PDZK1IP1: variants seen among roughly 807,000 people sequenced by gnomAD.
The protein encoded by PDZK1IP1 is PDZK1 interacting protein 1.
PDZK1IP1 carries 9 observed loss-of-function variants against 14.7 expected under a neutral mutation model. The observed-to-expected ratio is 0.61, with a 90% CI of 0.37 to 1.07. The LOEUF (loss-of-function observed/expected upper bound fraction) is 1.07. Ranked by LOEUF, PDZK1IP1 falls within the 50% of genes least tolerant of loss-of-function variation. PDZK1IP1 has a pLI of 0.01. For synonymous variants in PDZK1IP1, 70 were observed against 61.2 expected (o/e 1.14, Z -0.67); for missense variants, 152 against 148.7 (o/e 1.02, Z -0.11).
chr1:47,184,166 G>A, intron 3 of PDZK1IP1, 123 bp from the exon 4 acceptor site: 1 of 776,272 alleles, frequency 1.3e-6, no homozygotes, highest in Non-Finnish European at 2.2e-6. Flanking sequence ...TCCCAGAAGG[G>A]GATTGTCCTG....
chr1:47,185,104 A>T lies in PDZK1IP1; in HGVS notation c.177-7T>A, dbSNP rs1645311082. On this transcript the variant is annotated splice_polypyrimidine_tract_variant and splice_region_variant and intron_variant, in intron 2 of 3. Transcript: ENST00000294338. ...GATCATGTGTGCAGGCTCCCTGGGGATGGGATTCATCAGTGGGGCTCCTCA... is the reference window on the plus strand; with the variant it reads ...GATCATGTGTGCAGGCTCCCTGGGGTTGGGATTCATCAGTGGGGCTCCTCA... 2.5e-6 allele frequency: 4 copies of T among 1,611,498 alleles called. No homozygotes were observed. The highest frequency in any genetic ancestry group is 3.4e-6 in the Non-Finnish European group (4 of 1,178,810).
intron 2 of PDZK1IP1, among the ~76,000 whole-genome samples, chr1:47,185,931 C>T (rs148764625): frequency 3.7e-4 from 57 of 152,190 alleles, no homozygotes; most frequent in African/African-American, 1.3e-3. Context: ...AGACTGGAGA[C>T]TCTTCCACCG....
chr1:47,185,394 C>T (rs1028784500), intron 2 of PDZK1IP1: 8 of 372,690 alleles, frequency 2.1e-5, no homozygotes, highest in African/African-American at 1.4e-4. Context: ...GATGCAGTGT[C>T]TGCCCCAAAT....
At chr1:47,187,459 G>A in intron 1 of PDZK1IP1, 32 bp from the exon 2 acceptor site, 1 of 1,541,258 alleles carries the variant, frequency 6.5e-7, no homozygotes, top group Non-Finnish European at 9.0e-7. Context: ...TAGCAGACGG[G>A]GCCACAGTGG....
intron 2 of PDZK1IP1, among the ~76,000 whole-genome samples, chr1:47,185,991 G>A (rs1159330139): frequency 6.6e-6 from 1 of 152,128 alleles, no homozygotes; most frequent in Non-Finnish European, 1.5e-5. Flanking sequence ...CTAAGGCCGT[G>A]TCTCATCCCG....
In PDZK1IP1 at chr1:47,185,149, A is replaced by G. The variant is rs559142543; in HGVS notation, c.177-52T>C. The G allele has an allele frequency of 8.2e-5, 112 of 1,371,208 alleles. 1 individual carries two copies. The East Asian group carries it at 2.5e-3, about 31-fold the overall frequency. The allele number at this position is 1,371,208 out of a possible 1,614,324, so 84.9% of individuals were successfully genotyped here. ...TCCTCAGTGGGGCCCCCCTCGTCCA[A>G]GCAGACCCTATTCTGGGTCCTGGTT... On this transcript the variant is annotated intron_variant, in intron 2 of 3. Transcript: ENST00000294338.
At chr1:47,186,554 C>G (rs2148572993) in intron 2 of PDZK1IP1, among the ~76,000 whole-genome samples, 1 of 152,330 alleles carries the variant, frequency 6.6e-6, no homozygotes, top group South Asian at 2.1e-4. Context: ...AGAAATGCCC[C>G]TGGGAACAGA....
rs1557660247 is a variant in PDZK1IP1, at chr1:47,184,028, C to A, written c.288G>T (p.Glu96Asp). The change falls in exon 4 of 4, where the codon GAG becomes GAT. Residue 96 changes from glutamate to aspartate, a missense_variant. Glu to Asp is a conservative substitution (Grantham distance 45). Transcript: ENST00000294338. ...MAASFRSSEHENAYENVPEEE... is the reference protein window; with the variant it reads ...MAASFRSSEHDNAYENVPEEE... ...CCTCGGGCACATTCTCATAGGCATT[C>A]TCATGCTCACTGGACCTGAAAGAAG... The A allele has an allele frequency of 6.3e-7, 1 of 1,592,124 alleles. No individual in the cohort carries two copies. The highest frequency in any genetic ancestry group is 8.6e-7 in the Non-Finnish European group (1 of 1,167,814).
chr1:47,189,783 T>C (rs1442501667), intron 1 of PDZK1IP1, 83 bp downstream of exon 1: 12 of 1,024,540 alleles, frequency 1.2e-5, no homozygotes, highest in Non-Finnish European at 1.7e-5. Flanking sequence ...AAACTGTAAG[T>C]ATCAAGGCCC....
At chr1:47,184,850 C>G in intron 3 of PDZK1IP1, 152 bp downstream of exon 3, 1 of 657,524 alleles carries the variant, frequency 1.5e-6, no homozygotes, top group Non-Finnish European at 2.7e-6. Context: ...CCCCACAGAG[C>G]CCTGCAATCC....
At chr1:47,185,216 T>A (rs1315332763) in intron 2 of PDZK1IP1, 119 bp from the exon 3 acceptor site, 3 of 760,678 alleles carry the variant, frequency 3.9e-6, no homozygotes, top group Non-Finnish European at 4.6e-6. Flanking sequence ...CCCAGAGCTG[T>A]GTGCAACAGG....
intron 1 of PDZK1IP1, among the ~76,000 whole-genome samples, chr1:47,189,108 G>C (rs1645337497): frequency 6.6e-6 from 1 of 151,670 alleles, no homozygotes; most frequent in Admixed American, 6.6e-5. Flanking sequence ...TCCAAGACCT[G>C]GGAGACAGAG....
chr1:47,189,886 G>A lies in PDZK1IP1; in HGVS notation c.47C>T (p.Pro16Leu), dbSNP rs763420662. ...GCTACCTTGCTGACAGCTGGCAGGT[G>A]GCACTGCCGTGAGCAGGCCCAGAAT... is the stretch of plus-strand genomic sequence containing the variant. ...LLILGLLTAV[P>L]PASCQQGLGN... Residue 16 changes from proline to leucine, a missense_variant, in exon 1 of 4, where the codon CCA becomes CTA. Pro to Leu is a moderately conservative substitution (Grantham distance 98). Transcript: ENST00000294338. 3 of 1,596,578 alleles carry A rather than the reference G, an allele frequency of 1.9e-6. No homozygotes were observed. The East Asian group carries it at 6.7e-5, about 36-fold the overall frequency.
In PDZK1IP1 at chr1:47,187,318, C is replaced by T. The variant is rs150502884; in HGVS notation, c.176+1G>A. On this transcript the variant is annotated splice_donor_variant, in intron 2 of 3. Coordinates refer to ENST00000294338, the MANE Select transcript of PDZK1IP1 (RefSeq NM_005764.4). LOFTEE classifies it high-confidence loss of function. ...CTCAGGGACCCTTGGGCAGCACTCA[C>T]GGCTCCTCCTGGCACCAGAAGTGGT... The T allele has an allele frequency of 1.2e-4, 199 of 1,609,940 alleles. No individual in the cohort carries two copies. The highest frequency in any genetic ancestry group is 1.4e-4 in the Non-Finnish European group (168 of 1,177,486).
At chr1:47,184,104 C>G in intron 3 of PDZK1IP1, 61 bp from the exon 4 acceptor site, 2 of 1,224,552 alleles carry the variant, frequency 1.6e-6, no homozygotes, top group Non-Finnish European at 2.4e-6. Flanking sequence ...CCCCTTCTCC[C>G]TGCCCCTTCC....
Position 47,183,893 on chromosome 1 carries a change from A to G in PDZK1IP1, c.*78T>C. The G allele has an allele frequency of 8.2e-7, 1 of 1,217,056 alleles. No homozygotes were observed. 75.4% of individuals were successfully genotyped at this position (1,217,056 alleles called of 1,614,324 possible). A position where few individuals can be genotyped will look rare whatever the true frequency, so the allele number is the denominator to read the frequency against. ...CCACTATTGCAGATTCCACACAAAG[A>G]AGGAGGGGGCTTGGGTGGTAGCACT... is the stretch of plus-strand genomic sequence containing the variant. On this transcript the variant is annotated 3_prime_UTR_variant, in exon 4 of 4. Transcript: ENST00000294338.
intron 1 of PDZK1IP1, 44 bp downstream of exon 1, chr1:47,189,822 C>T: frequency 6.8e-7 from 1 of 1,480,490 alleles, no homozygotes; most frequent in Non-Finnish European, 9.1e-7. Flanking sequence ...CACCACCTGT[C>T]CACCCCTGGG....
chr1:47,189,573 C>T (rs1047834891), intron 1 of PDZK1IP1, among the ~76,000 whole-genome samples: 5 of 152,160 alleles, frequency 3.3e-5, no homozygotes, highest in African/African-American at 4.8e-5. Context: ...ACCCCCGGGT[C>T]CCCTGTACTC....
Position 47,185,057 on chromosome 1 carries a change from C to T in PDZK1IP1, c.217G>A (p.Asp73Asn). 6.2e-7 allele frequency: 1 copy of T among 1,613,496 alleles called. No homozygotes were observed. The highest frequency in any genetic ancestry group is 1.1e-5 in the South Asian group (1 of 91,082). Reference sequence around the variant, plus strand: ...CCATCTGTTCCCACCAGGACTCCATCTGCCTTGTTTCCGACGGTCAGGATC... The same window carrying T: ...CCATCTGTTCCCACCAGGACTCCATTTGCCTTGTTTCCGACGGTCAGGATC... ...HMILTVGNKA[D>N]GVLVGTDGRY... The change falls in exon 3 of 4, where the codon GAT becomes AAT. Residue 73 changes from aspartate (D) to asparagine (N), a missense_variant. Transcript: ENST00000294338.
Sources: allele counts gnomAD v4.1 joint callset (sites outside exome capture counted in the v4.1 genomes callset), GRCh38; gene constraint gnomAD v4.1.1; transcripts MANE v1.5; gene names NCBI Gene and HGNC (gene_info 2026-07-23, HGNC 2026-07-21).